Variants in DPP10 observed in about 807,000 individuals in gnomAD.
DPP10 encodes inactive dipeptidyl peptidase 10.
In DPP10, 33 loss-of-function variants were observed where a neutral mutation model predicts 120.9. The ratio of observed to expected loss-of-function variants is 0.27; its 90% confidence interval spans 0.21 to 0.37. The LOEUF (loss-of-function observed/expected upper bound fraction) is 0.37. DPP10 is among the 10% of genes least tolerant of loss of function. The pLI, the probability that DPP10 is intolerant of heterozygous loss-of-function variation, is 1.00. For synonymous variants in DPP10, 337 were observed against 326.1 expected (o/e 1.03, Z -0.36); for missense variants, 816 against 942.8 (o/e 0.87, Z 1.76).
intron 3 of DPP10, among the ~76,000 whole-genome samples, chr2:115,413,404 C>T (rs927141562): frequency 5.3e-5 from 8 of 152,010 alleles, no homozygotes; most frequent in African/African-American, 1.5e-4. Flanking sequence ...AAATCAAAGT[C>T]GGAAAATAGT....
chr2:114,888,036 G>T (rs1185789898), intron 1 of DPP10, among the ~76,000 whole-genome samples: 3 of 151,912 alleles, frequency 2.0e-5, no homozygotes, highest in Non-Finnish European at 4.4e-5. Flanking sequence ...CCAGCTACTG[G>T]GGAGGCTGAG....
intron 1 of DPP10, among the ~76,000 whole-genome samples, chr2:114,954,661 A>G (rs1458971064): frequency 6.6e-6 from 1 of 152,146 alleles, no homozygotes; most frequent in Non-Finnish European, 1.5e-5. Context: ...AAGAACAATG[A>G]AACTAAGTGT....
intron 5 of DPP10, among the ~76,000 whole-genome samples, chr2:115,682,178 G>A (rs906064673): frequency 2.0e-5 from 3 of 151,880 alleles, no homozygotes; most frequent in Non-Finnish European, 4.4e-5. Flanking sequence ...ATGAAAAATC[G>A]CTTGTACTAC....
At chr2:114,996,947 G>A (rs545253490) in intron 1 of DPP10, among the ~76,000 whole-genome samples, 13 of 126,584 alleles carry the variant, frequency 1.0e-4, no homozygotes, top group South Asian at 1.0e-3. Flanking sequence ...GTGCCACTGC[G>A]TTCTAGCCTG....
At chr2:115,025,335 A>T (rs1703383093) in intron 1 of DPP10, among the ~76,000 whole-genome samples, 1 of 152,078 alleles carries the variant, frequency 6.6e-6, no homozygotes, top group Admixed American at 6.6e-5. Flanking sequence ...ACAGGATTTT[A>T]TTCTCTTTTA....
chr2:115,762,495 G>T (rs1316037018), intron 11 of DPP10, 77 bp from the exon 12 acceptor site: 2 of 1,490,316 alleles, frequency 1.3e-6, no homozygotes, highest in African/African-American at 2.8e-5. Flanking sequence ...ACTGATAACC[G>T]TGTTTTAAAA....
rs367851559 is a variant in DPP10 at position 115,358,583 on chromosome 2, C to G, written c.271+14671C>G. 8.5e-5 allele frequency among the ~76,000 whole-genome samples: 13 copies of G among 152,288 alleles called. 1 individual carries two copies. The South Asian group carries it at 1.2e-3, about 15-fold the overall frequency. On this transcript the variant is annotated intron_variant, in intron 3 of 25. Coordinates refer to ENST00000410059, the MANE Select transcript of DPP10 (RefSeq NM_020868.6). ...TCTGAGCCCTCCAGACTGTTTTAAC[C>G]TGTGCCTGTTACCCAGTTTCAAAGT... is the stretch of plus-strand genomic sequence containing the variant.
At chr2:114,874,321 AG>A (rs1178163694) in intron 1 of DPP10, among the ~76,000 whole-genome samples, 6 of 152,162 alleles carry the variant, frequency 3.9e-5, no homozygotes, top group South Asian at 2.1e-4. Flanking sequence ...TGGCCTTAAA[AG>A]GTATGTTTGA....
chr2:115,130,618 C>A (rs1202462871), intron 1 of DPP10, among the ~76,000 whole-genome samples: 1 of 152,122 alleles, frequency 6.6e-6, no homozygotes, highest in Non-Finnish European at 1.5e-5. Flanking sequence ...AAGACTTCAA[C>A]TACCAGATCC....
chr2:115,531,238 A>G (rs1165242326), intron 5 of DPP10, among the ~76,000 whole-genome samples: 2 of 151,804 alleles, frequency 1.3e-5, no homozygotes, highest in African/African-American at 4.8e-5. Flanking sequence ...TTAAAAATCC[A>G]AATTCTGTTG....
intron 5 of DPP10, among the ~76,000 whole-genome samples, chr2:115,581,768 C>G (rs921709321): frequency 6.6e-6 from 1 of 152,046 alleles, no homozygotes; most frequent in Non-Finnish European, 1.5e-5. Flanking sequence ...GTCCCCAAAC[C>G]TGACTTCCTG....
At chr2:114,452,214 G>A (rs1024989315) in intron 1 of DPP10, among the ~76,000 whole-genome samples, 7 of 152,042 alleles carry the variant, frequency 4.6e-5, no homozygotes, top group African/African-American at 1.7e-4. Flanking sequence ...TCTGTTAATA[G>A]CATTGTGTAT....
chr2:115,147,084 A>G (rs925692331), intron 1 of DPP10, among the ~76,000 whole-genome samples: 7 of 152,048 alleles, frequency 4.6e-5, no homozygotes, highest in Non-Finnish European at 1.0e-4. Flanking sequence ...TCTAACTATA[A>G]AAGTCTATTT....
At chr2:114,663,670 G>GAGAGAGAGAGAGAGAGAGAGAA (rs1697661522) in intron 1 of DPP10, among the ~76,000 whole-genome samples, 1 of 109,478 alleles carries the variant, frequency 9.1e-6, no homozygotes. Flanking sequence ...TATATATATA[G>GAGAGAGAGAGAGAGAGAGAGAA]AGAGAGAGAG....
chr2:115,021,666 C>G (rs948581233), intron 1 of DPP10, among the ~76,000 whole-genome samples: 1 of 151,980 alleles, frequency 6.6e-6, no homozygotes, highest in Non-Finnish European at 1.5e-5. Context: ...TTTTATGAAG[C>G]CAGTATCACC....
chr2:115,708,362 C>G (rs1453725228), intron 7 of DPP10, among the ~76,000 whole-genome samples: 2 of 151,870 alleles, frequency 1.3e-5, no homozygotes, highest in Admixed American at 6.6e-5. Context: ...TTGAAGTTGG[C>G]TATTAAAAGA....
intron 1 of DPP10, among the ~76,000 whole-genome samples, chr2:114,839,106 T>G (rs1687960129): frequency 6.6e-6 from 1 of 152,196 alleles, no homozygotes; most frequent in Non-Finnish European, 1.5e-5. Context: ...AGATATTACT[T>G]TATTTTGCTG....
At chr2:114,461,980 C>T in intron 1 of DPP10, 2 of 985,360 alleles carry the variant, frequency 2.0e-6, no homozygotes, top group Non-Finnish European at 2.4e-6. Flanking sequence ...ACAGAAGTCT[C>T]CCTGCTGAAT....
intron 1 of DPP10, among the ~76,000 whole-genome samples, chr2:114,518,645 G>A (rs1189354518): frequency 6.6e-6 from 1 of 152,152 alleles, no homozygotes; most frequent in Admixed American, 6.5e-5. Context: ...GGCAGCATTG[G>A]CATCACCTGG....
Sources: gnomAD v4.1 joint callset for allele counts (sites outside exome capture counted in the v4.1 genomes callset) on GRCh38, gnomAD v4.1.1 for gene constraint, MANE v1.5 for transcripts, NCBI Gene and HGNC (gene_info 2026-07-23, HGNC 2026-07-21) for gene names.